ADAT1: variants seen among roughly 807,000 people sequenced by gnomAD.
ADAT1 encodes the protein adenosine deaminase tRNA specific 1, also known as tRNA-specific adenosine deaminase 1.
ADAT1 carries 58 observed loss-of-function variants against 58.6 expected under a neutral mutation model. The observed-to-expected ratio is 0.99, with a 90% CI of 0.80 to 1.23. The LOEUF is 1.23. ADAT1 is among the 50% of genes most tolerant of loss of function. The pLI is 0.00. For missense variants in ADAT1, 741 were observed against 608.6 expected (o/e 1.22, Z -2.29); for synonymous variants, 254 against 220.8 (o/e 1.15, Z -1.33).
chr16:75,614,109 G>C (rs1437127470), intron 5 of ADAT1, among the ~76,000 whole-genome samples: 1 of 152,124 alleles, frequency 6.6e-6, no homozygotes, highest in Non-Finnish European at 1.5e-5. Flanking sequence ...ACAATCGCTT[G>C]AATCCAGGAG....
Position 75,620,719 on chromosome 16 carries a change from T to C in ADAT1, c.81A>G (p.Pro27=). 1 of 1,614,218 alleles carries C rather than the reference T, an allele frequency of 6.2e-7. No individual in the cohort carries two copies. Among genetic ancestry groups the C allele is most frequent in the Non-Finnish European group, 8.5e-7 (1 of 1,180,046 alleles). ...IRLPKKGKPE[P]NHEWTLLAAV... Reference sequence around the variant, plus strand: ...CTGCCAATAATGTCCACTCATGGTTTGGCTCAGGCTTCCCCTTCTTGGGCA... The same window carrying C: ...CTGCCAATAATGTCCACTCATGGTTCGGCTCAGGCTTCCCCTTCTTGGGCA... The change falls in exon 2 of 10, where the codon CCA becomes CCG. Residue 27 remains proline (P), a synonymous_variant. Coordinates refer to ENST00000564657, the MANE Select transcript of ADAT1 (RefSeq NM_001324445.2).
Position 75,604,302 on chromosome 16 carries a change from G to A in ADAT1, c.1290-1131C>T, listed in dbSNP as rs553657134. On this transcript the variant is annotated intron_variant, in intron 8 of 9. Coordinates refer to ENST00000564657, the MANE Select transcript of ADAT1 (RefSeq NM_001324445.2). Reference sequence around the variant, plus strand: ...ACAAAAACTAGCTGGGAGTGGTGGCGCATGCCTGTAATCCCAGCTACTCAG... The same window carrying A: ...ACAAAAACTAGCTGGGAGTGGTGGCACATGCCTGTAATCCCAGCTACTCAG... Among the ~76,000 whole-genome samples, 341 of 150,266 alleles carry A rather than the reference G, an allele frequency of 2.3e-3. 1 individual carries two copies. Among genetic ancestry groups the A allele is most frequent in the African/African-American group, 7.5e-3 (308 of 40,910 alleles).
chr16:75,606,482 T>C (rs1242663964), intron 8 of ADAT1, among the ~76,000 whole-genome samples: 1 of 152,232 alleles, frequency 6.6e-6, no homozygotes, highest in East Asian at 1.9e-4. Flanking sequence ...TTGCCTGTTC[T>C]GTGGGGAGCC....
At chr16:75,609,010 T>A in intron 6 of ADAT1, 22 bp from the exon 7 acceptor site, 1 of 1,614,026 alleles carries the variant, frequency 6.2e-7, no homozygotes, top group Non-Finnish European at 8.5e-7. Context: ...GGAAAATGCA[T>A]TCAGTTTAGG....
chr16:75,604,456 A>AAAAAAAAT lies in ADAT1; in HGVS notation c.1290-1286_1290-1285insATTTTTTT, dbSNP rs1555508674. On this transcript the variant is annotated intron_variant, in intron 8 of 9. Coordinates refer to ENST00000564657, the MANE Select transcript of ADAT1 (RefSeq NM_001324445.2). ...TCAAAAAAAAAAAAAAAAAAAAAAA[A>AAAAAAAAT]ATATATATATATATATATACACACA... 1.7e-3 allele frequency among the ~76,000 whole-genome samples: 85 copies of AAAAAAAAT among 48,772 alleles called. 3 individuals are homozygous for AAAAAAAAT. Among genetic ancestry groups the AAAAAAAAT allele is most frequent in the Non-Finnish European group, 2.1e-3 (68 of 32,878 alleles). 32.0% of individuals were successfully genotyped at this position (48,772 alleles called of 152,430 possible). A position where few individuals can be genotyped will look rare whatever the true frequency, so the allele number is the denominator to read the frequency against.
At chr16:75,610,840 G>A (rs2081508946) in intron 6 of ADAT1, among the ~76,000 whole-genome samples, 1 of 152,114 alleles carries the variant, frequency 6.6e-6, no homozygotes, top group African/African-American at 2.4e-5. Flanking sequence ...GGCTGGGTGA[G>A]GTGGCTCACA....
Position 75,618,597 on chromosome 16 carries a change from CCTT to C in ADAT1, c.279_281del (p.Arg94del), listed in dbSNP as rs1597139033. ...AGATGTGGCTTTACCTTTGGAAACT[CCTT>C]CTGGCTATGACCTCAGCATGGCTAT... On this transcript the variant is annotated inframe_deletion, in exon 4 of 10. Coordinates refer to ENST00000564657, the MANE Select transcript of ADAT1 (RefSeq NM_001324445.2). 1 of 1,608,350 alleles carries C rather than the reference CCTT, an allele frequency of 6.2e-7. No homozygotes were observed. The highest frequency in any genetic ancestry group is 8.5e-7 in the Non-Finnish European group (1 of 1,177,710).
chr16:75,608,417 C>G lies in ADAT1; in HGVS notation c.1190-94G>C. On this transcript the variant is annotated intron_variant, in intron 7 of 9. Transcript: ENST00000564657. ...AAAATATTTCTCTGACTCTACAGAC[C>G]CATGAGAGCTGGATATGATGTCACA... is the stretch of plus-strand genomic sequence containing the variant. The G allele has an allele frequency of 5.6e-6, 6 of 1,072,762 alleles. No individual in the cohort carries two copies. In the South Asian group the frequency reaches 8.1e-5, roughly 14 times the overall value. The allele number at this position is 1,072,762 out of a possible 1,614,324, so 66.5% of individuals were successfully genotyped here.
chr16:75,606,925 A>T lies in ADAT1; in HGVS notation c.1289+1299T>A, dbSNP rs142415234. Among the ~76,000 whole-genome samples the T allele has an allele frequency of 3.9e-3, 587 of 152,272 alleles. 4 individuals are homozygous for T. The highest frequency in any genetic ancestry group is 0.013 in the African/African-American group (549 of 41,564). ...TGTAAGAAGACCTCAATAAGTGAACACTCAAAAACTACCAGTTATAGGCAG... is the reference window on the plus strand; with the variant it reads ...TGTAAGAAGACCTCAATAAGTGAACTCTCAAAAACTACCAGTTATAGGCAG... On this transcript the variant is annotated intron_variant, in intron 8 of 9. Coordinates refer to ENST00000564657, the MANE Select transcript of ADAT1 (RefSeq NM_001324445.2).
Position 75,599,210 on chromosome 16 carries a change from T to C in ADAT1, c.*1006A>G, listed in dbSNP as rs1279529677. 1.1e-5 allele frequency: 9 copies of C among 855,356 alleles called. No homozygotes were observed. Among genetic ancestry groups the C allele is most frequent in the African/African-American group, 3.7e-5 (2 of 53,914 alleles). The allele number at this position is 855,356 out of a possible 1,614,324, so 53.0% of individuals were successfully genotyped here. A position where few individuals can be genotyped will look rare whatever the true frequency, so the allele number is the denominator to read the frequency against. ...AATTCTCCTGCCTCAGCCTCCCGAG[T>C]AGCTAGGATTACAGGTGTGCGCCAC... On this transcript the variant is annotated 3_prime_UTR_variant, in exon 10 of 10. Coordinates refer to ENST00000564657, the MANE Select transcript of ADAT1 (RefSeq NM_001324445.2).
At position 75,618,098 on chromosome 16, in the gene ADAT1, C is replaced by CAAAAAAAAAAAAAAA. The variant is rs1163510620; in HGVS notation, c.293+473_293+487dup. Among the ~76,000 whole-genome samples the CAAAAAAAAAAAAAAA allele has an allele frequency of 2.2e-4, 7 of 32,540 alleles. 2 individuals carry two copies. The highest frequency in any genetic ancestry group is 4.3e-4 in the African/African-American group (5 of 11,582). The allele number at this position is 32,540 out of a possible 152,430, so 21.3% of individuals were successfully genotyped here. A position where few individuals can be genotyped will look rare whatever the true frequency, so the allele number is the denominator to read the frequency against. ...AGGTAACAGAGCAAGACCCTGTGTCCAAAAAAAAAAAAAAAAAAAAAAAAA... is the reference window on the plus strand; with the variant it reads ...AGGTAACAGAGCAAGACCCTGTGTCCAAAAAAAAAAAAAAAAAAAAAAAAAAAAAAAAAAAAAAAA... On this transcript the variant is annotated intron_variant, in intron 4 of 9. Coordinates refer to ENST00000564657, the MANE Select transcript of ADAT1 (RefSeq NM_001324445.2).
chr16:75,619,069 T>C (rs574986780), intron 3 of ADAT1, among the ~76,000 whole-genome samples: 5 of 152,314 alleles, frequency 3.3e-5, no homozygotes, highest in South Asian at 2.1e-4. Flanking sequence ...GTCTAGATCT[T>C]TTGTACAGAA....
chr16:75,605,829 C>G (rs780064061), intron 8 of ADAT1, among the ~76,000 whole-genome samples: 1 of 148,772 alleles, frequency 6.7e-6, no homozygotes, highest in Non-Finnish European at 1.5e-5. Flanking sequence ...CCCAGCTACT[C>G]GGGAGGCTGA....
At chr16:75,609,790 G>GC (rs1050355824) in intron 6 of ADAT1, among the ~76,000 whole-genome samples, 1 of 152,008 alleles carries the variant, frequency 6.6e-6, no homozygotes, top group Non-Finnish European at 1.5e-5. Flanking sequence ...TGCAACTTCT[G>GC]CCCCCTGGTC....
At chr16:75,615,367 T>A (rs1391457302) in intron 5 of ADAT1, among the ~76,000 whole-genome samples, 1 of 150,242 alleles carries the variant, frequency 6.7e-6, no homozygotes, top group Non-Finnish European at 1.5e-5. Flanking sequence ...GATAAGGGCA[T>A]AATCAAACTA....
chr16:75,620,606 G>C (rs1365526784), intron 2 of ADAT1, 25 bp downstream of exon 2: 2 of 1,610,240 alleles, frequency 1.2e-6, no homozygotes, highest in Non-Finnish European at 1.7e-6. Context: ...ACAGTGAGGA[G>C]CATGCCAAGA....
intron 6 of ADAT1, among the ~76,000 whole-genome samples, chr16:75,610,252 G>A (rs986172776): frequency 8.6e-5 from 13 of 151,382 alleles, no homozygotes; most frequent in African/African-American, 2.9e-4. Flanking sequence ...TATGAATAAT[G>A]CTGTTGTGAA....
chr16:75,600,295 T>C lies in ADAT1; in HGVS notation c.1430A>G (p.Gln477Arg), dbSNP rs1235177536. ...QEYKEAASSYQEAWSTLRKQV... is the reference protein window; with the variant it reads ...QEYKEAASSYREAWSTLRKQV... ...CTTCCGGAGTGTGCTCCAGGCTTCCTGGTAAGAGGACGCAGCCTCCTTGTA... is the reference window on the plus strand; with the variant it reads ...CTTCCGGAGTGTGCTCCAGGCTTCCCGGTAAGAGGACGCAGCCTCCTTGTA... The change falls in exon 10 of 10, where the codon CAG (glutamine) becomes CGG (arginine). Residue 477 changes from glutamine (Q) to arginine (R), a missense_variant. Gln to Arg is a conservative substitution (Grantham distance 43, BLOSUM62 1). Coordinates refer to ENST00000564657, the MANE Select transcript of ADAT1 (RefSeq NM_001324445.2). 6.8e-6 allele frequency: 11 copies of C among 1,614,158 alleles called. No homozygotes were observed. Among genetic ancestry groups the C allele is most frequent in the East Asian group, 2.2e-5 (1 of 44,884 alleles).
intron 4 of ADAT1, among the ~76,000 whole-genome samples, chr16:75,618,123 A>AAAAAAG (rs1555510929): frequency 6.3e-5 from 9 of 142,072 alleles, no homozygotes; most frequent in African/African-American, 2.1e-4. Flanking sequence ...AAAAAAAAAA[A>AAAAAAG]AGAGAGAACC....
Sources: gnomAD v4.1 joint callset for allele counts (sites outside exome capture counted in the v4.1 genomes callset) on GRCh38, gnomAD v4.1.1 for gene constraint, MANE v1.5 for transcripts, NCBI Gene and HGNC (gene_info 2026-07-23, HGNC 2026-07-21) for gene names.